Variants in METTL8 observed in about 807,000 individuals in gnomAD.
METTL8 encodes the protein tRNA N(3)-cytidine methyltransferase METTL8, mitochondrial.
A neutral mutation model predicts 48.7 loss-of-function variants in METTL8; 32 were observed. That is an observed-to-expected ratio of 0.66 (90% CI 0.50 to 0.88). METTL8 has a LOEUF of 0.88. METTL8 is among the 40% of genes least tolerant of loss of function. The probability of loss-of-function intolerance (pLI) is 0.00; values close to 1 mark genes in which losing one functional copy is unlikely to be tolerated. For missense variants in METTL8, 464 were observed against 474.4 expected (o/e 0.98, Z 0.20); for synonymous variants, 136 against 157.1 (o/e 0.87, Z 1.01).
intron 1 of METTL8, among the ~76,000 whole-genome samples, chr2:171,415,349 C>CTTTTTTTTT (rs762739077): frequency 7.1e-5 from 8 of 112,374 alleles, no homozygotes; most frequent in Non-Finnish European, 8.7e-5. Flanking sequence ...ATCTCGAAAT[C>CTTTTTTTTT]TTTTTTTTTT....
Position 171,349,958 on chromosome 2 carries a change from G to C in METTL8, c.236-10404C>G, listed in dbSNP as rs143823630. Among the ~76,000 whole-genome samples the C allele has an allele frequency of 1.9e-3, 291 of 151,998 alleles. 6 individuals carry two copies. The East Asian group carries it at 0.029, about 15-fold the overall frequency. On this transcript the variant is annotated intron_variant, in intron 3 of 9. Coordinates refer to ENST00000375258, the MANE Select transcript of METTL8 (RefSeq NM_001321154.2). ...GGTATATCCATCAACCTAAATATTT[G>C]TCTTTTCTTTTATTATTGTTATACT...
intron 1 of METTL8, among the ~76,000 whole-genome samples, chr2:171,396,720 AATG>A (rs1368315417): frequency 6.6e-6 from 1 of 152,252 alleles, no homozygotes; most frequent in Non-Finnish European, 1.5e-5. Flanking sequence ...TGTTGAACTG[AATG>A]ATAACAAAAT....
chr2:171,369,806 A>G (rs1238834157), intron 2 of METTL8, among the ~76,000 whole-genome samples: 1 of 152,256 alleles, frequency 6.6e-6, no homozygotes, highest in African/African-American at 2.4e-5. Flanking sequence ...GGTGGCTCAC[A>G]CCTGTAATAC....
intron 1 of METTL8, among the ~76,000 whole-genome samples, chr2:171,399,858 G>GCTGA (rs1176573988): frequency 6.6e-6 from 1 of 151,990 alleles, no homozygotes; most frequent in Non-Finnish European, 1.5e-5. Context: ...GAAAGTAAAG[G>GCTGA]CTGAGCACAG....
chr2:171,384,656 C>T (rs1273011633), intron 2 of METTL8, among the ~76,000 whole-genome samples: 1 of 151,734 alleles, frequency 6.6e-6, no homozygotes, highest in Non-Finnish European at 1.5e-5. Context: ...ATAGTGAGAC[C>T]CCACCTCTAC....
chr2:171,351,651 G>T lies in METTL8; in HGVS notation c.235+8771C>A, dbSNP rs200491313. On this transcript the variant is annotated intron_variant, in intron 3 of 9. Transcript: ENST00000375258. ...TCTTTTATTTTGTTGAGCAGTGGTT[G>T]GTAGTTCTCCTTGAAGAGGTCCTTC... Among the ~76,000 whole-genome samples the T allele has an allele frequency of 1.9e-3, 292 of 152,090 alleles. 7 individuals carry two copies. The East Asian group carries it at 0.029, about 15-fold the overall frequency.
At chr2:171,425,587 G>A (rs746133918) in intron 1 of METTL8, among the ~76,000 whole-genome samples, 4 of 152,214 alleles carry the variant, frequency 2.6e-5, no homozygotes, top group Non-Finnish European at 4.4e-5. Context: ...GAATGGAATT[G>A]TGTCAATATC....
Position 171,339,355 on chromosome 2 carries a change from G to A in METTL8, c.435C>T (p.His145=). The A allele has an allele frequency of 1.9e-6, 3 of 1,613,170 alleles. No homozygotes were observed. The highest frequency in any genetic ancestry group is 1.7e-6 in the Non-Finnish European group (2 of 1,179,460). The change falls in exon 4 of 10, where the codon CAC becomes CAT. Residue 145 remains histidine, a synonymous_variant. Coordinates refer to ENST00000375258, the MANE Select transcript of METTL8 (RefSeq NM_001321154.2). ...TSATNRFSRM[H]CPTVPDEKNH... is the part of the protein sequence containing the mutation. The stretch of plus-strand genomic sequence containing the variant: ...TTTTTTCATCAGGCACAGTAGGACA[G>A]TGCATTCTTGAGAAACGATTTGTAG...
At chr2:171,426,630 C>T (rs1003294134) in intron 1 of METTL8, among the ~76,000 whole-genome samples, 1 of 152,116 alleles carries the variant, frequency 6.6e-6, no homozygotes, top group African/African-American at 2.4e-5. Context: ...ATCCTTTAAA[C>T]CTAAATCTTT....
In METTL8 at chr2:171,339,551, T is replaced by G. The variant is rs778725277; in HGVS notation, c.239A>C (p.Lys80Thr). 6.8e-7 allele frequency: 1 copy of G among 1,462,952 alleles called. No individual in the cohort carries two copies. Among genetic ancestry groups the G allele is most frequent in the Admixed American group, 2.1e-5 (1 of 48,738 alleles). The allele number at this position is 1,462,952 out of a possible 1,614,324, so 90.6% of individuals were successfully genotyped here. A position where few individuals can be genotyped will look rare whatever the true frequency, so the allele number is the denominator to read the frequency against. ...AVRVLLEEQV[K>T]YEREASKYWD... ...GTATTTACTAGCTTCTCTCTCATAC[T>G]TAACTAAAATAAAGAGGAAAAAGAA... The change falls in exon 4 of 10, where the codon AAG (lysine) becomes ACG (threonine). Residue 80 changes from lysine to threonine, a missense_variant. Transcript: ENST00000375258.
intron 1 of METTL8, among the ~76,000 whole-genome samples, chr2:171,422,490 C>T (rs578233313): frequency 6.6e-6 from 1 of 152,320 alleles, no homozygotes; most frequent in Admixed American, 6.5e-5. Flanking sequence ...ACTTTTACCA[C>T]ATTTAATGTG....
At chr2:171,357,832 C>G (rs1181581163) in intron 3 of METTL8, among the ~76,000 whole-genome samples, 12 of 152,036 alleles carry the variant, frequency 7.9e-5, no homozygotes, top group Non-Finnish European at 1.6e-4. Context: ...GTAGCTGGGA[C>G]TACAGGTGCA....
intron 2 of METTL8, among the ~76,000 whole-genome samples, chr2:171,366,742 G>C (rs1685759380): frequency 6.6e-6 from 1 of 151,918 alleles, no homozygotes; most frequent in Admixed American, 6.6e-5. Flanking sequence ...GAGTTGAGTA[G>C]GCTCAGGTGG....
chr2:171,348,999 C>T (rs2105442434), intron 3 of METTL8, among the ~76,000 whole-genome samples: 1 of 152,184 alleles, frequency 6.6e-6, no homozygotes, highest in African/African-American at 2.4e-5. Flanking sequence ...ATTGTGATTA[C>T]AAACCACATA....
At chr2:171,332,037 C>T in intron 5 of METTL8, 170 bp from the exon 6 acceptor site, 3 of 514,246 alleles carry the variant, frequency 5.8e-6, no homozygotes, top group East Asian at 3.2e-5. Context: ...AGATGTGCCT[C>T]ACCATGCCCA....
intron 2 of METTL8, among the ~76,000 whole-genome samples, chr2:171,383,258 C>G (rs758905128): frequency 1.3e-5 from 2 of 152,070 alleles, no homozygotes; most frequent in African/African-American, 4.8e-5. Context: ...TGTAAACTGT[C>G]TATTATTTAA....
At chr2:171,429,409 C>A (rs1692751030) in intron 1 of METTL8, among the ~76,000 whole-genome samples, 1 of 152,174 alleles carries the variant, frequency 6.6e-6, no homozygotes, top group African/African-American at 2.4e-5. Flanking sequence ...ATCAAGTAAT[C>A]TCTCAACACA....
chr2:171,396,970 T>C (rs1689126268), intron 1 of METTL8, among the ~76,000 whole-genome samples: 1 of 151,290 alleles, frequency 6.6e-6, no homozygotes, highest in Admixed American at 6.6e-5. Context: ...ACTACAGGCA[T>C]GTACCACCAC....
At chr2:171,326,218 T>C (rs752867899) in intron 7 of METTL8, 70 bp from the exon 8 acceptor site, 5 of 798,524 alleles carry the variant, frequency 6.3e-6, no homozygotes, top group Non-Finnish European at 1.0e-5. Flanking sequence ...GATTTAACTT[T>C]GTTGAAGACA....
Sources: gnomAD v4.1 joint callset for allele counts (sites outside exome capture counted in the v4.1 genomes callset) on GRCh38, gnomAD v4.1.1 for gene constraint, MANE v1.5 for transcripts, NCBI Gene and HGNC (gene_info 2026-07-23, HGNC 2026-07-21) for gene names.